ATAD2B: variants seen among roughly 807,000 people sequenced by gnomAD.
ATAD2B encodes ATPase family AAA domain-containing protein 2B.
ATAD2B carries 40 observed loss-of-function variants against 167.6 expected under a neutral mutation model. The observed-to-expected ratio is 0.24, with a 90% CI of 0.19 to 0.31. The LOEUF (loss-of-function observed/expected upper bound fraction) is 0.31. ATAD2B is among the 10% of genes least tolerant of loss of function. The pLI is 1.00. For missense variants in ATAD2B, 1,242 were observed against 1,757.2 expected, an observed-to-expected ratio of 0.71 and a Z score of 5.24; for synonymous variants, 579 against 596.5, an observed-to-expected ratio of 0.97 and a Z score of 0.43.
At chr2:23,724,468 T>C in the ATAD2B span, among the ~76,000 whole-genome samples, 1 of 152,074 alleles carries the variant, frequency 6.6e-6, no homozygotes, top group Admixed American at 6.5e-5. Flanking sequence ...GAAAGATATA[T>C]ATATTTTTTA....
intron 22 of ATAD2B, among the ~76,000 whole-genome samples, chr2:23,777,570 G>A (rs906355276): frequency 2.6e-5 from 4 of 152,210 alleles, no homozygotes; most frequent in East Asian, 1.9e-4. Flanking sequence ...AACACAGAGG[G>A]CTCCAAAAGT....
At chr2:23,719,888 A>G in the ATAD2B span, among the ~76,000 whole-genome samples, 4 of 152,314 alleles carry the variant, frequency 2.6e-5, no homozygotes, top group East Asian at 7.7e-4. Context: ...CAAATGAGAC[A>G]CCAAAGCAAA....
At chr2:23,769,344 G>A (rs1271428742) in intron 22 of ATAD2B, among the ~76,000 whole-genome samples, 2 of 152,082 alleles carry the variant, frequency 1.3e-5, no homozygotes, top group Non-Finnish European at 2.9e-5. Flanking sequence ...AGGAGGCTGA[G>A]GCAGAGAATT....
chr2:23,809,472 T>C (rs537014163), intron 18 of ATAD2B, among the ~76,000 whole-genome samples: 2 of 152,280 alleles, frequency 1.3e-5, no homozygotes, highest in Admixed American at 6.5e-5. Context: ...TTACAGTATA[T>C]GTGTTAAGTA....
chr2:23,814,005 C>T (rs1686037437), intron 17 of ATAD2B, among the ~76,000 whole-genome samples: 1 of 152,106 alleles, frequency 6.6e-6, no homozygotes, highest in Admixed American at 6.5e-5. Flanking sequence ...GTAATCCCAG[C>T]TACTTGGGAG....
At chr2:23,693,084 G>A in the ATAD2B span, among the ~76,000 whole-genome samples, 3 of 152,224 alleles carry the variant, frequency 2.0e-5, no homozygotes, top group African/African-American at 7.2e-5. Context: ...TGGGGTAGGG[G>A]AGAACCCAGG....
At chr2:23,797,832 A>T (rs192886557) in intron 19 of ATAD2B, among the ~76,000 whole-genome samples, 1 of 152,218 alleles carries the variant, frequency 6.6e-6, no homozygotes, top group East Asian at 1.9e-4. Context: ...TCATGTCAGC[A>T]CTCAAAGAAG....
Position 23,863,469 on chromosome 2 carries a change from T to C in ATAD2B, c.1391A>G (p.Lys464Arg). Residue 464 changes from lysine (K) to arginine (R), a missense_variant, in exon 12 of 28, where the codon AAA becomes AGA. By Grantham distance (26) the Lys-to-Arg change is conservative. This residue lies in a region of ATAD2B where 151 missense variants were observed against 284.1 expected (regional missense o/e 0.53). Coordinates refer to ENST00000238789, the MANE Select transcript of ATAD2B (RefSeq NM_017552.4). Reference protein sequence around the residue: ...LANECSQGDKKVAFFMRKGAD... With the variant: ...LANECSQGDKRVAFFMRKGAD... ...TCCTTTTCGCATAAAAAAAGCCACT[T>C]TTTTGTCTCCTTGGCTGCATTCATT... is the stretch of plus-strand genomic sequence containing the variant. 4 of 1,555,728 alleles carry C rather than the reference T, an allele frequency of 2.6e-6. No individual in the cohort carries two copies. Among genetic ancestry groups the C allele is most frequent in the Non-Finnish European group, 3.5e-6 (4 of 1,148,920 alleles).
At chr2:23,812,022 A>C (rs1239654191) in intron 17 of ATAD2B, among the ~76,000 whole-genome samples, 1 of 152,122 alleles carries the variant, frequency 6.6e-6, no homozygotes, top group Non-Finnish European at 1.5e-5. Flanking sequence ...AGCACCATTA[A>C]AATAACAAAT....
chr2:23,829,933 T>C (rs1688791519), intron 14 of ATAD2B, among the ~76,000 whole-genome samples: 2 of 152,298 alleles, frequency 1.3e-5, no homozygotes, highest in South Asian at 2.1e-4. Context: ...TATAGCACAA[T>C]CAAAATTTTA....
At chr2:23,703,795 C>G in the ATAD2B span, 1 of 1,537,470 alleles carries the variant, frequency 6.5e-7, no homozygotes, top group Non-Finnish European at 8.7e-7. Flanking sequence ...GAGCTACCAC[C>G]ATCTACGACC....
chr2:23,732,297 A>G, the ATAD2B span, among the ~76,000 whole-genome samples: 4 of 152,240 alleles, frequency 2.6e-5, no homozygotes, highest in African/African-American at 9.6e-5. Context: ...GGGAATTTGT[A>G]GATTAAGAGA....
chr2:23,726,904 T>C, the ATAD2B span, among the ~76,000 whole-genome samples: 2 of 152,344 alleles, frequency 1.3e-5, no homozygotes. Context: ...ATGTCCTTAA[T>C]GCCACTGAAC....
chr2:23,889,695 G>A (rs1021016747), intron 2 of ATAD2B, among the ~76,000 whole-genome samples: 1 of 151,136 alleles, frequency 6.6e-6, no homozygotes, highest in African/African-American at 2.4e-5. Flanking sequence ...CGAGGCAGGT[G>A]GATCACCTGA....
intron 22 of ATAD2B, among the ~76,000 whole-genome samples, chr2:23,771,286 A>C (rs187395884): frequency 6.6e-6 from 1 of 152,234 alleles, no homozygotes; most frequent in Non-Finnish European, 1.5e-5. Flanking sequence ...GGATGCCTTT[A>C]TTTCTTTTTC....
chr2:23,887,137 G>A (rs559882074), intron 4 of ATAD2B, among the ~76,000 whole-genome samples: 3 of 151,890 alleles, frequency 2.0e-5, no homozygotes, highest in East Asian at 1.9e-4. Context: ...GGTGGCACGC[G>A]CCTATAGTCC....
At chr2:23,893,394 G>C (rs192292792) in intron 2 of ATAD2B, among the ~76,000 whole-genome samples, 350 of 152,092 alleles carry the variant, frequency 2.3e-3, no homozygotes, top group African/African-American at 8.1e-3. Flanking sequence ...GCTCATAAGA[G>C]TTTAGATTAC....
intron 6 of ATAD2B, chr2:23,883,729 T>A (rs1698294917): frequency 1.8e-6 from 1 of 565,842 alleles, no homozygotes; most frequent in Non-Finnish European, 2.8e-6. Context: ...ACAGAATTTT[T>A]AAAAAACATA....
At chr2:23,882,678 C>G (rs1426879321) in intron 6 of ATAD2B, among the ~76,000 whole-genome samples, 1 of 151,512 alleles carries the variant, frequency 6.6e-6, no homozygotes, top group Non-Finnish European at 1.5e-5. Flanking sequence ...GGCATGGTGG[C>G]GGGTGCCTGT....
Sources: allele counts gnomAD v4.1 joint callset (sites outside exome capture counted in the v4.1 genomes callset), GRCh38; gene constraint gnomAD v4.1.1; regional missense constraint gnomAD v4.1.1; transcripts MANE v1.5; gene names NCBI Gene and HGNC (gene_info 2026-07-23, HGNC 2026-07-21).